Variants in NMBR observed in about 807,000 individuals in gnomAD.
The protein encoded by NMBR is neuromedin B receptor.
NMBR carries 16 observed loss-of-function variants against 20.5 expected under a neutral mutation model. The observed-to-expected ratio is 0.78, with a 90% CI of 0.53 to 1.19. NMBR has a LOEUF of 1.19. NMBR is among the 50% of genes most tolerant of loss of function. The probability of loss-of-function intolerance (pLI) is 0.00; values close to 1 mark genes in which losing one functional copy is unlikely to be tolerated. For synonymous variants in NMBR, 212 were observed against 196.6 expected (o/e 1.08, Z -0.65); for missense variants, 582 against 499.1 (o/e 1.17, Z -1.58).
intron 1 of NMBR, among the ~76,000 whole-genome samples, chr6:142,131,810 C>A (rs75106325): frequency 1.3e-5 from 2 of 152,064 alleles, no homozygotes; most frequent in Non-Finnish European, 2.9e-5. Flanking sequence ...TTCTATACAC[C>A]CCTGAAAGGA....
intron 1 of NMBR, chr6:142,134,634 T>C: frequency 1.5e-6 from 1 of 688,104 alleles, no homozygotes; most frequent in Non-Finnish European, 2.6e-6. Context: ...TTCAAAAGCC[T>C]ATCTACACTA....
chr6:142,097,118 C>G (rs1057252717), intron 1 of NMBR, among the ~76,000 whole-genome samples: 15 of 152,148 alleles, frequency 9.9e-5, no homozygotes, highest in South Asian at 2.1e-4. Flanking sequence ...GGTCTTGACT[C>G]TTTATCCAAT....
Position 142,088,294 on chromosome 6 carries a change from A to T in NMBR, c.365T>A (p.Ile122Asn), listed in dbSNP as rs1777239155. ...GGAAACCCCCACGGAAGTGAGCTGG[A>T]TGACAGGGATCAGTTTGCAGCCCAC... is the stretch of plus-strand genomic sequence containing the variant. ...GKVGCKLIPV[I>N]QLTSVGVSVF... The change falls in exon 2 of 4, where the codon ATC becomes AAC. Residue 122 changes from isoleucine (I) to asparagine (N), a missense_variant. Physicochemically the swap from Ile to Asn is moderately radical, Grantham distance 149. Coordinates refer to ENST00000258042, the MANE Select transcript of NMBR (RefSeq NM_002511.4). The T allele has an allele frequency of 6.2e-7, 1 of 1,614,010 alleles. No individual in the cohort carries two copies.
chr6:142,083,893 G>A (rs1158055946), intron 2 of NMBR, among the ~76,000 whole-genome samples: 1 of 152,154 alleles, frequency 6.6e-6, no homozygotes, highest in African/African-American at 2.4e-5. Flanking sequence ...ACAAAAATAA[G>A]TTGAACATAA....
At chr6:142,145,734 C>A (rs1270246753) in intron 1 of NMBR, among the ~76,000 whole-genome samples, 1 of 152,070 alleles carries the variant, frequency 6.6e-6, no homozygotes, top group Non-Finnish European at 1.5e-5. Flanking sequence ...TTGAATAGAG[C>A]GAGAGAAGTT....
At position 142,141,932 on chromosome 6, in the gene NMBR, T is replaced by C. The variant is rs528888283; in HGVS notation, c.-664+5112A>G. The stretch of plus-strand genomic sequence containing the variant: ...TCAATTAAACCAAAATCTGGTTCTT[T>C]GAAAAGATTAATAAAACTTATAAAT... On this transcript the variant is annotated intron_variant, in intron 1 of 3. Coordinates refer to ENST00000258042, the MANE Select transcript of NMBR (RefSeq NM_002511.4). 2.6e-5 allele frequency among the ~76,000 whole-genome samples: 4 copies of C among 152,300 alleles called. No individual in the cohort carries two copies. In the South Asian group the frequency reaches 8.3e-4, roughly 32 times the overall value.
In NMBR at chr6:142,083,454, T is replaced by C. The variant is rs181917150; in HGVS notation, c.423-4551A>G. The stretch of plus-strand genomic sequence containing the variant: ...CCTTTTTAGTCCTGTGGTGTGTTGT[T>C]TGTATCCTTATTTTTAAGCTGCCTT... On this transcript the variant is annotated intron_variant, in intron 2 of 3. Transcript: ENST00000258042. 4.6e-3 allele frequency among the ~76,000 whole-genome samples: 703 copies of C among 152,284 alleles called. 4 individuals carry two copies. The highest frequency in any genetic ancestry group is 6.6e-3 in the Non-Finnish European group (450 of 68,024).
At chr6:142,102,379 C>G (rs1041793641) in intron 1 of NMBR, among the ~76,000 whole-genome samples, 5 of 137,622 alleles carry the variant, frequency 3.6e-5, no homozygotes, top group Non-Finnish European at 7.9e-5. Context: ...GACAGAGCAA[C>G]ACTCTGTCTC....
chr6:142,084,630 A>T (rs548359720), intron 2 of NMBR, among the ~76,000 whole-genome samples: 1 of 152,212 alleles, frequency 6.6e-6, no homozygotes, highest in Non-Finnish European at 1.5e-5. Flanking sequence ...ACAGTTTAGC[A>T]CTAGGAATCT....
chr6:142,145,180 G>A (rs886656361), intron 1 of NMBR, among the ~76,000 whole-genome samples: 2 of 152,094 alleles, frequency 1.3e-5, no homozygotes, highest in East Asian at 3.9e-4. Context: ...ATGCAAATAA[G>A]AGTACACATG....
At chr6:142,127,907 C>T (rs145682900) in intron 1 of NMBR, among the ~76,000 whole-genome samples, 58 of 151,996 alleles carry the variant, frequency 3.8e-4, no homozygotes, top group African/African-American at 1.4e-3. Context: ...TTTAGTGTCT[C>T]CTACTTGTAT....
At chr6:142,090,592 T>G (rs922113827) in intron 1 of NMBR, among the ~76,000 whole-genome samples, 3 of 149,636 alleles carry the variant, frequency 2.0e-5, no homozygotes, top group African/African-American at 7.3e-5. Flanking sequence ...CTATTTATAT[T>G]TATAAAAATT....
At chr6:142,122,765 A>G (rs1157416826) in intron 1 of NMBR, among the ~76,000 whole-genome samples, 1 of 151,940 alleles carries the variant, frequency 6.6e-6, no homozygotes, top group East Asian at 1.9e-4. Flanking sequence ...AGCCTAGATG[A>G]GAGAATATCT....
chr6:142,140,622 T>G (rs1778347933), intron 1 of NMBR, among the ~76,000 whole-genome samples: 1 of 152,158 alleles, frequency 6.6e-6, no homozygotes, highest in African/African-American at 2.4e-5. Context: ...ATTGTCTAAA[T>G]GTATCTTTTA....
intron 2 of NMBR, among the ~76,000 whole-genome samples, chr6:142,086,749 A>G (rs1347995349): frequency 6.6e-6 from 1 of 152,154 alleles, no homozygotes; most frequent in East Asian, 1.9e-4. Flanking sequence ...GGGCAAATTT[A>G]CCTGTGTAAA....
At chr6:142,116,806 A>G (rs1184434789) in intron 1 of NMBR, among the ~76,000 whole-genome samples, 2 of 151,956 alleles carry the variant, frequency 1.3e-5, no homozygotes, top group Non-Finnish European at 2.9e-5. Flanking sequence ...TCAGCTTATT[A>G]TTACTGTAAA....
chr6:142,078,860 C>G lies in NMBR; in HGVS notation c.466G>C (p.Ala156Pro). The G allele has an allele frequency of 6.2e-7, 1 of 1,613,498 alleles. No individual in the cohort carries two copies. The highest frequency in any genetic ancestry group is 1.1e-5 in the South Asian group (1 of 91,040). The change falls in exon 3 of 4, where the codon GCA (alanine) becomes CCA (proline). Residue 156 changes from alanine to proline, a missense_variant. By Grantham distance (27) the Ala-to-Pro change is conservative. Coordinates refer to ENST00000258042, the MANE Select transcript of NMBR (RefSeq NM_002511.4). Reference protein sequence around the residue: ...VNPMDMQTSGALLRTCVKAMG... With the variant: ...VNPMDMQTSGPLLRTCVKAMG... The stretch of plus-strand genomic sequence containing the variant: ...GCCTTCACACAGGTCCGCAGCAATG[C>G]CCCTGACGTCTGCATGTCCATGGGG...
At position 142,095,275 on chromosome 6, in the gene NMBR, T is replaced by A. The variant is rs538719001; in HGVS notation, c.-663-5954A>T. 5.3e-5 allele frequency among the ~76,000 whole-genome samples: 8 copies of A among 152,280 alleles called. No individual in the cohort carries two copies. In the East Asian group the frequency reaches 1.5e-3, roughly 29 times the overall value. ...TCCGGTTTTTGCCCATTCAGTATGA[T>A]ATTGGCTGTGGGTTTGTCATAGATA... On this transcript the variant is annotated intron_variant, in intron 1 of 3. Transcript: ENST00000258042.
intron 1 of NMBR, among the ~76,000 whole-genome samples, chr6:142,102,321 T>C (rs1161565718): frequency 7.0e-6 from 1 of 142,020 alleles, no homozygotes; most frequent in Non-Finnish European, 1.5e-5. Context: ...ACCCGGAAGG[T>C]GGAGCTTGCA....
Sources: allele counts gnomAD v4.1 joint callset (sites outside exome capture counted in the v4.1 genomes callset), GRCh38; gene constraint gnomAD v4.1.1; transcripts MANE v1.5; gene names NCBI Gene and HGNC (gene_info 2026-07-23, HGNC 2026-07-21).